Variants in KLF7 observed in about 807,000 individuals in gnomAD.
KLF7 encodes Krueppel-like factor 7.
In KLF7, 2 loss-of-function variants were observed where a neutral mutation model predicts 27.3. That is an observed-to-expected ratio of 0.07 (90% confidence interval 0.03 to 0.23). The LOEUF (loss-of-function observed/expected upper bound fraction) is 0.23, where lower values mean the gene tolerates loss of function less well. Among genes scored for constraint, KLF7 ranks in the 10% least tolerant of loss-of-function variants. KLF7 has a pLI of 1.00. For missense variants in KLF7, 221 were observed against 394.1 expected (o/e 0.56, Z 3.72); for synonymous variants, 165 against 162.4 (o/e 1.02, Z -0.12).
chr2:207,152,825 G>A lies in KLF7; in HGVS notation c.102+12642C>T, dbSNP rs192421756. 1.3e-3 allele frequency among the ~76,000 whole-genome samples: 199 copies of A among 152,300 alleles called. 1 individual carries two copies. The highest frequency in any genetic ancestry group is 6.8e-3 in the Middle Eastern group (2 of 294). On this transcript the variant is annotated intron_variant, in intron 1 of 3. Coordinates refer to ENST00000309446, the MANE Select transcript of KLF7 (RefSeq NM_003709.4). ...ATTTTGGAGCGGAAGGTGCCTTAGA[G>A]AGATGCTAGTCACAAGCCCAAATGC...
At chr2:207,116,939 A>C (rs377191522) in intron 2 of KLF7, among the ~76,000 whole-genome samples, 1 of 152,210 alleles carries the variant, frequency 6.6e-6, no homozygotes, top group African/African-American at 2.4e-5. Flanking sequence ...TTATGAAACC[A>C]TATTTCAGGC....
chr2:207,088,260 G>A (rs1194610221), intron 3 of KLF7, among the ~76,000 whole-genome samples, 198 bp downstream of exon 3: 3 of 152,138 alleles, frequency 2.0e-5, no homozygotes, highest in African/African-American at 7.2e-5. Flanking sequence ...ACTGAACCAA[G>A]AATTCACACC....
chr2:207,143,827 T>C (rs2106072760), intron 1 of KLF7, among the ~76,000 whole-genome samples: 1 of 152,168 alleles, frequency 6.6e-6, no homozygotes, highest in Non-Finnish European at 1.5e-5. Flanking sequence ...AGCTTCCAGA[T>C]TCAAAACAAA....
At chr2:207,151,800 A>G (rs2078254800) in intron 1 of KLF7, among the ~76,000 whole-genome samples, 1 of 152,174 alleles carries the variant, frequency 6.6e-6, no homozygotes, top group Non-Finnish European at 1.5e-5. Flanking sequence ...AATTTTTTAA[A>G]AAGAAAAAAA....
intron 2 of KLF7, among the ~76,000 whole-genome samples, chr2:207,105,916 C>T (rs746733637): frequency 2.0e-5 from 3 of 152,082 alleles, no homozygotes; most frequent in Non-Finnish European, 2.9e-5. Flanking sequence ...GTGTAAAATA[C>T]GCACCAGATT....
chr2:207,102,937 A>G (rs1220264507), intron 2 of KLF7, among the ~76,000 whole-genome samples: 1 of 151,920 alleles, frequency 6.6e-6, no homozygotes, highest in African/African-American at 2.4e-5. Context: ...ACTTTTATTT[A>G]TTTATTTTTG....
intron 2 of KLF7, among the ~76,000 whole-genome samples, chr2:207,102,235 C>T (rs1346589515): frequency 6.6e-6 from 1 of 151,926 alleles, no homozygotes; most frequent in East Asian, 1.9e-4. Context: ...CACCCCCACA[C>T]AATCTGTCAT....
intron 2 of KLF7, among the ~76,000 whole-genome samples, chr2:207,119,246 A>G (rs1319809844): frequency 6.6e-6 from 1 of 152,232 alleles, no homozygotes; most frequent in African/African-American, 2.4e-5. Flanking sequence ...GACTTCACCA[A>G]TATGACTCAC....
At chr2:207,162,362 T>C (rs373240612) in intron 1 of KLF7, among the ~76,000 whole-genome samples, 137 of 152,342 alleles carry the variant, frequency 9.0e-4, no homozygotes, top group African/African-American at 2.8e-3. Flanking sequence ...GTCTTAAGAA[T>C]TGCGCGTCAG....
At chr2:207,132,940 C>T (rs1176328579) in intron 1 of KLF7, among the ~76,000 whole-genome samples, 2 of 152,220 alleles carry the variant, frequency 1.3e-5, no homozygotes, top group Non-Finnish European at 2.9e-5. Flanking sequence ...GTTGTTTTTC[C>T]AGATGTTACT....
chr2:207,167,141 A>T (rs2078739971), upstream of KLF7: 2 of 1,441,694 alleles, frequency 1.4e-6, no homozygotes, highest in East Asian at 2.9e-5. Context: ...GAGGCTCACC[A>T]TGGGGTCTCC....
At chr2:207,088,062 C>T (rs917116775) in intron 3 of KLF7, among the ~76,000 whole-genome samples, 1 of 152,176 alleles carries the variant, frequency 6.6e-6, no homozygotes, top group Non-Finnish European at 1.5e-5. Context: ...GCTTTCTACT[C>T]TTTCTTATTA....
intron 2 of KLF7, among the ~76,000 whole-genome samples, chr2:207,113,869 T>C (rs1244872584): frequency 6.6e-6 from 1 of 152,176 alleles, no homozygotes; most frequent in Non-Finnish European, 1.5e-5. Flanking sequence ...GCGACCATTA[T>C]TTTATCCCCA....
Position 207,080,808 on chromosome 2 carries a change from A to G in KLF7, c.*405T>C. The G allele has an allele frequency of 2.5e-6, 1 of 402,960 alleles. No homozygotes were observed. Among genetic ancestry groups the G allele is most frequent in the Admixed American group, 4.3e-5 (1 of 23,360 alleles). The allele number at this position is 402,960 out of a possible 1,614,324, so 25.0% of individuals were successfully genotyped here. A position where few individuals can be genotyped will look rare whatever the true frequency, so the allele number is the denominator to read the frequency against. ...ATCAAGTTGCACTGAGAAGCAAGTG[A>G]AATAAGCCCCTCGGACTGCCGTCCA... On this transcript the variant is annotated 3_prime_UTR_variant, in exon 4 of 4. Coordinates refer to ENST00000309446, the MANE Select transcript of KLF7 (RefSeq NM_003709.4).
At chr2:207,155,906 G>A (rs6435364) in intron 1 of KLF7, among the ~76,000 whole-genome samples, 35,948 of 152,102 alleles carry the variant, frequency 0.24, 5,114 homozygotes, top group Middle Eastern at 0.32. Context: ...CAAATTTGCC[G>A]CCTCTCCAAA....
intron 1 of KLF7, among the ~76,000 whole-genome samples, chr2:207,153,902 G>A (rs2078313407): frequency 6.6e-6 from 1 of 152,146 alleles, no homozygotes; most frequent in African/African-American, 2.4e-5. Flanking sequence ...CCTTCACACA[G>A]GGCTGGCATC....
rs1325762539 is a variant in KLF7, at chr2:207,075,208, AAC to A, written c.*6003_*6004del. ...ATACCAATTTAAAAAAGAATTATGA[AAC>A]AGACCAGTAACAAAAATAAATTTTT... On this transcript the variant is annotated 3_prime_UTR_variant, in exon 4 of 4. Transcript: ENST00000309446. The A allele has an allele frequency of 1.3e-5, 2 of 152,134 alleles. No individual in the cohort carries two copies. The highest frequency in any genetic ancestry group is 2.9e-5 in the Non-Finnish European group (2 of 68,026). The allele number at this position is 152,134 out of a possible 1,614,324, so 9.4% of individuals were successfully genotyped here. A position where few individuals can be genotyped will look rare whatever the true frequency, so the allele number is the denominator to read the frequency against.
intron 2 of KLF7, among the ~76,000 whole-genome samples, chr2:207,101,698 G>A (rs2076768991): frequency 6.6e-6 from 1 of 152,184 alleles, no homozygotes; most frequent in African/African-American, 2.4e-5. Context: ...TGTGTCCTCA[G>A]GGCCTGGCAC....
intron 3 of KLF7, among the ~76,000 whole-genome samples, chr2:207,082,656 CT>C (rs772177898): frequency 6.6e-6 from 1 of 152,160 alleles, no homozygotes; most frequent in Non-Finnish European, 1.5e-5. Context: ...TGCTCTCCCC[CT>C]GGATCATTCG....
Sources: gnomAD v4.1 joint callset for allele counts (sites outside exome capture counted in the v4.1 genomes callset) on GRCh38, gnomAD v4.1.1 for gene constraint, MANE v1.5 for transcripts, NCBI Gene and HGNC (gene_info 2026-07-23, HGNC 2026-07-21) for gene names.